PEX10: variants seen among roughly 807,000 people sequenced by gnomAD.
PEX10 encodes the protein peroxisome biogenesis factor 10.
In PEX10, 32 loss-of-function variants were observed where a neutral mutation model predicts 38.0. The ratio of observed to expected loss-of-function variants is 0.84; its 90% CI spans 0.63 to 1.13. The LOEUF is 1.13. Ranked by LOEUF, PEX10 falls within the 50% of genes most tolerant of loss-of-function variation. The pLI is 0.00. For synonymous variants in PEX10, 206 were observed against 207.3 expected, an observed-to-expected ratio of 0.99 and a Z score of 0.05; for missense variants, 483 against 457.7, an observed-to-expected ratio of 1.06 and a Z score of -0.51.
In PEX10 at chr1:2,405,700, A is replaced by C. The variant is rs1199844183; in HGVS notation, c.*66T>G. 6 of 1,360,804 alleles carry C rather than the reference A, an allele frequency of 4.4e-6. No homozygotes were observed. In the African/African-American group the frequency reaches 7.2e-5, roughly 16 times the overall value. 84.3% of individuals were successfully genotyped at this position (1,360,804 alleles called of 1,614,324 possible). A position where few individuals can be genotyped will look rare whatever the true frequency, so the allele number is the denominator to read the frequency against. ...TTCTGTGCAAGCAAGGTTAATCCTG[A>C]GACTAAATCTTGGCGTTCAGACTCC... On this transcript the variant is annotated 3_prime_UTR_variant, in exon 6 of 6. Coordinates refer to ENST00000447513, the MANE Select transcript of PEX10 (RefSeq NM_002617.4).
At chr1:2,413,191 G>T (rs1643338591), upstream of PEX10, among the ~76,000 whole-genome samples, 1 of 152,250 alleles carries the variant, frequency 6.6e-6, no homozygotes, top group Non-Finnish European at 1.5e-5. Context: ...GGCCGGCTTG[G>T]TGTGGACGCC....
intron 5 of PEX10, 28 bp downstream of exon 5, chr1:2,406,456 C>T (rs369771250): frequency 1.6e-5 from 25 of 1,608,218 alleles, no homozygotes; most frequent in Non-Finnish European, 2.0e-5. Context: ...GCTGACCACC[C>T]CAGGACGGCA....
At chr1:2,412,804 G>A (rs998743434), upstream of PEX10, among the ~76,000 whole-genome samples, 2 of 152,072 alleles carry the variant, frequency 1.3e-5, no homozygotes, top group Non-Finnish European at 2.9e-5. Context: ...GGGCGCTGGC[G>A]AGGCAGCGGG....
chr1:2,404,999 G>C lies in PEX10; in HGVS notation c.*767C>G, dbSNP rs1642949836. ...CGCCTGCCCAGCAGGCCCCCCAGGA[G>C]AGGGCTCGGGCGCCCCTGGCAGCCC... On this transcript the variant is annotated 3_prime_UTR_variant, in exon 6 of 6. Coordinates refer to ENST00000447513, the MANE Select transcript of PEX10 (RefSeq NM_002617.4). 6.5e-6 allele frequency: 1 copy of C among 154,942 alleles called. No homozygotes were observed. The highest frequency in any genetic ancestry group is 1.4e-5 in the Non-Finnish European group (1 of 69,582). The allele number at this position is 154,942 out of a possible 1,614,324, so 9.6% of individuals were successfully genotyped here.
In PEX10 at chr1:2,410,656, G is replaced by A. The variant is rs1375732447; in HGVS notation, c.113-205C>T. The A allele has an allele frequency of 1.7e-5, 11 of 630,186 alleles. No individual in the cohort carries two copies. Among genetic ancestry groups the A allele is most frequent in the Admixed American group, 8.5e-5 (4 of 47,180 alleles). The allele number at this position is 630,186 out of a possible 1,614,324, so 39.0% of individuals were successfully genotyped here. A position where few individuals can be genotyped will look rare whatever the true frequency, so the allele number is the denominator to read the frequency against. ...TTAGCGTGAGCTGCAGACAGTCTGC[G>A]AAGAATCTCCCACCTGTGCTCATCT... On this transcript the variant is annotated intron_variant, in intron 1 of 5. Transcript: ENST00000447513. This position sits in a 1 kb window ranked among gnomAD's most constrained non-coding sequence, Gnocchi z 5.1.
rs143472520 is a variant in PEX10 at position 2,406,012 on chromosome 1, G to T, written c.913-178C>A. ...TTTCAGAAGGCCGAGTCCCAGTGGG[G>T]GCTGGGGCGGGGCTGGGGGCGTAGG... is the stretch of plus-strand genomic sequence containing the variant. On this transcript the variant is annotated intron_variant, in intron 5 of 5. Coordinates refer to ENST00000447513, the MANE Select transcript of PEX10 (RefSeq NM_002617.4). 3.0e-3 allele frequency among the ~76,000 whole-genome samples: 459 copies of T among 152,378 alleles called. 6 individuals are homozygous for T. The highest frequency in any genetic ancestry group is 0.01 in the African/African-American group (426 of 41,588).
Position 2,409,983 on chromosome 1 carries a change from T to A in PEX10, c.193+388A>T, listed in dbSNP as rs1643136494. 3 of 299,330 alleles carry A rather than the reference T, an allele frequency of 1.0e-5. 1 individual carries two copies. Among genetic ancestry groups the A allele is most frequent in the Admixed American group, 8.8e-5 (2 of 22,756 alleles). 18.5% of individuals were successfully genotyped at this position (299,330 alleles called of 1,614,324 possible). ...CTGAGAGCTTCTGTCAACAACTCCC[T>A]CTAAAGGGTGGTGACCAGCCTGGGC... On this transcript the variant is annotated intron_variant, in intron 2 of 5. Transcript: ENST00000447513. This position sits in a 1 kb window ranked among gnomAD's most constrained non-coding sequence, Gnocchi z 6.2.
Position 2,406,475 on chromosome 1 carries a change from C to T in PEX10, c.912+9G>A, listed in dbSNP as rs1463459642. Reference sequence around the variant, plus strand: ...ACCACCCCAGGACGGCAGCAGGCTCCCACCTCACCTTGCTGCTGCACCACG... The same window carrying T: ...ACCACCCCAGGACGGCAGCAGGCTCTCACCTCACCTTGCTGCTGCACCACG... On this transcript the variant is annotated intron_variant, in intron 5 of 5. Coordinates refer to ENST00000447513, the MANE Select transcript of PEX10 (RefSeq NM_002617.4). The T allele has an allele frequency of 6.2e-7, 1 of 1,610,962 alleles. No homozygotes were observed. The highest frequency in any genetic ancestry group is 2.2e-5 in the East Asian group (1 of 44,876).
chr1:2,406,639 G>A lies in PEX10; in HGVS notation c.777-20C>T, dbSNP rs1232953873. The A allele has an allele frequency of 1.2e-6, 2 of 1,612,902 alleles. No homozygotes were observed. Among genetic ancestry groups the A allele is most frequent in the Admixed American group, 3.3e-5 (2 of 59,986 alleles). On this transcript the variant is annotated intron_variant, in intron 4 of 5. Transcript: ENST00000447513. Reference sequence around the variant, plus strand: ...GAGGCCCTGGGGAAGGTGGGGCAGAGCGTCAAGGTGGGTGCACCTTACAGG... The same window carrying A: ...GAGGCCCTGGGGAAGGTGGGGCAGAACGTCAAGGTGGGTGCACCTTACAGG...
At position 2,412,401 on chromosome 1, in the gene PEX10, G is replaced by C. The variant is rs766291975; in HGVS notation, c.102C>G (p.His34Gln). The C allele has an allele frequency of 7.9e-5, 111 of 1,401,560 alleles. No homozygotes were observed. Among genetic ancestry groups the C allele is most frequent in the Middle Eastern group, 2.6e-4 (1 of 3,896 alleles). The allele number at this position is 1,401,560 out of a possible 1,614,324, so 86.8% of individuals were successfully genotyped here. ...GLRSAAGGALHSLAGARKWLE... is the reference protein window; with the variant it reads ...GLRSAAGGALQSLAGARKWLE... ...GCGCCCGGCCCTCACCCGCCAGGCT[G>C]TGCAGGGCGCCGCCCGCCGCGCTCC... Residue 34 changes from histidine (H) to glutamine (Q), a missense_variant, in exon 1 of 6, where the codon CAC becomes CAG. His to Gln is a conservative substitution (Grantham distance 24, BLOSUM62 0). Coordinates refer to ENST00000447513, the MANE Select transcript of PEX10 (RefSeq NM_002617.4).
chr1:2,412,345 C>T, intron 1 of PEX10, 46 bp downstream of exon 1: 2 of 1,342,710 alleles, frequency 1.5e-6, no homozygotes, highest in Non-Finnish European at 9.5e-7. Context: ...AGGGGCAACA[C>T]CCCCTGGGCC....
At position 2,405,080 on chromosome 1, in the gene PEX10, G is replaced by C. The variant is rs41310349; in HGVS notation, c.*686C>G. 4.3e-3 allele frequency: 687 copies of C among 160,808 alleles called. 1 individual carries two copies. Among genetic ancestry groups the C allele is most frequent in the Non-Finnish European group, 6.5e-3 (467 of 72,394 alleles). 10.0% of individuals were successfully genotyped at this position (160,808 alleles called of 1,614,324 possible). A position where few individuals can be genotyped will look rare whatever the true frequency, so the allele number is the denominator to read the frequency against. ...GTCTGGGTCAGGAAGAGACCTCTCT[G>C]TGCGTCTCAGGCTGAGATGCAGATT... On this transcript the variant is annotated 3_prime_UTR_variant, in exon 6 of 6. Transcript: ENST00000447513.
chr1:2,407,572 CCT>C (rs1469922755), intron 3 of PEX10, among the ~76,000 whole-genome samples: 3 of 152,330 alleles, frequency 2.0e-5, no homozygotes, highest in African/African-American at 7.2e-5. Context: ...CTTCCATGCC[CCT>C]GTCACAGCAG....
chr1:2,406,053 C>T (rs962743556), intron 5 of PEX10, among the ~76,000 whole-genome samples: 33 of 152,202 alleles, frequency 2.2e-4, no homozygotes, highest in Middle Eastern at 6.3e-3. Context: ...GGGTGTGGGG[C>T]TCGGCCGGGA....
chr1:2,406,411 TCTG>T lies in PEX10; in HGVS notation c.912+70_912+72del, dbSNP rs541381011. The stretch of plus-strand genomic sequence containing the variant: ...GGTGCTCAGAGCCAGACTCCCCACT[TCTG>T]CTGCAGCCAGGTGCATCTTGCCGGC... On this transcript the variant is annotated intron_variant, in intron 5 of 5. Transcript: ENST00000447513. 60 of 1,591,132 alleles carry T rather than the reference TCTG, an allele frequency of 3.8e-5. No homozygotes were observed. The East Asian group carries it at 1.2e-3, about 33-fold the overall frequency.
chr1:2,408,854 G>A lies in PEX10; in HGVS notation c.198C>T (p.Tyr66=). The A allele has an allele frequency of 6.2e-7, 1 of 1,613,998 alleles. No homozygotes were observed. Among genetic ancestry groups the A allele is most frequent in the South Asian group, 1.1e-5 (1 of 91,082 alleles). ...TGACGTACTCCTCCCCCAGGGTCTG[G>A]TAGCCTGCGAGGAAGAGGATGGGTA... ...AYFGLTTLAG[Y]QTLGEEYVSI... is the part of the protein sequence containing the mutation. The change falls in exon 3 of 6, where the codon TAC becomes TAT. Residue 66 remains tyrosine, a synonymous_variant. Transcript: ENST00000447513.
At chr1:2,407,009 A>G (rs1207936269) in intron 3 of PEX10, 114 bp from the exon 4 acceptor site, 2 of 1,426,692 alleles carry the variant, frequency 1.4e-6, no homozygotes, top group African/African-American at 1.4e-5. Context: ...CAGGCCTCTC[A>G]CTGGCATGGG....
rs1411111888 is a variant in PEX10 at position 2,410,801 on chromosome 1, T to C, written c.113-350A>G. Reference sequence around the variant, plus strand: ...ACTGTCTAGCATCAAAAAGCAGCTCTCCAACTTGCTGGCTGTGAGGTCTTT... The same window carrying C: ...ACTGTCTAGCATCAAAAAGCAGCTCCCCAACTTGCTGGCTGTGAGGTCTTT... On this transcript the variant is annotated intron_variant, in intron 1 of 5. Coordinates refer to ENST00000447513, the MANE Select transcript of PEX10 (RefSeq NM_002617.4). The surrounding 1 kb of genome is among the most constrained non-coding windows in gnomAD (Gnocchi z 5.1). The C allele has an allele frequency of 1.1e-5, 5 of 474,136 alleles. No homozygotes were observed. The East Asian group carries it at 1.9e-4, about 18-fold the overall frequency. 29.4% of individuals were successfully genotyped at this position (474,136 alleles called of 1,614,324 possible). A position where few individuals can be genotyped will look rare whatever the true frequency, so the allele number is the denominator to read the frequency against.
chr1:2,406,488 C>CTAAG lies in PEX10; in HGVS notation c.907_908insCTTA (p.Ser303ThrfsTer2), dbSNP rs752180749. On this transcript the variant is annotated stop_gained and frameshift_variant, in exon 5 of 6. Transcript: ENST00000447513. LOFTEE classifies it high-confidence loss of function. Reference sequence around the variant, plus strand: ...GGCAGCAGGCTCCCACCTCACCTTGCTGCTGCACCACGCGGTGATGCACTC... The same window carrying CTAAG: ...GGCAGCAGGCTCCCACCTCACCTTGCTAAGTGCTGCACCACGCGGTGATGCACTC... 1 of 1,611,886 alleles carries CTAAG rather than the reference C, an allele frequency of 6.2e-7. No homozygotes were observed. Among genetic ancestry groups the CTAAG allele is most frequent in the Non-Finnish European group, 8.5e-7 (1 of 1,179,978 alleles).
Sources: allele counts gnomAD v4.1 joint callset (sites outside exome capture counted in the v4.1 genomes callset), GRCh38; gene constraint gnomAD v4.1.1; non-coding constraint Gnocchi (gnomAD v3.1); transcripts MANE v1.5; gene names NCBI Gene and HGNC (gene_info 2026-07-23, HGNC 2026-07-21).